The following RTN1 variants were observed in gnomAD, a reference collection of about 807,000 sequenced individuals.
The protein encoded by RTN1 is reticulon-1.
A neutral mutation model predicts 65.5 loss-of-function variants in RTN1; 25 were observed. The observed-to-expected ratio is 0.38, with a 90% CI of 0.28 to 0.53. The LOEUF is 0.53. Ranked by LOEUF, RTN1 falls within the 20% of genes least tolerant of loss-of-function variation. RTN1 has a pLI of 0.79. For missense variants in RTN1, 983 were observed against 1,025.4 expected (o/e 0.96, Z 0.57); for synonymous variants, 471 against 447.6 (o/e 1.05, Z -0.66).
chr14:59,775,383 C>A (rs1233397085), intron 1 of RTN1, among the ~76,000 whole-genome samples: 3 of 151,190 alleles, frequency 2.0e-5, no homozygotes, highest in Middle Eastern at 3.2e-3. Context: ...CATTTTTGAC[C>A]TTTTTTTTTG....
chr14:59,613,677 C>T (rs573920993), intron 3 of RTN1, among the ~76,000 whole-genome samples: 3 of 152,104 alleles, frequency 2.0e-5, no homozygotes, highest in Admixed American at 6.5e-5. Context: ...TCTTCTCAGT[C>T]GACTGTATTA....
rs1884992181 is a variant in RTN1, at chr14:59,735,872, C to T, written c.1016-8204G>A. 2.0e-5 allele frequency among the ~76,000 whole-genome samples: 3 copies of T among 152,174 alleles called. No homozygotes were observed. In the South Asian group the frequency reaches 6.2e-4, roughly 32 times the overall value. The stretch of plus-strand genomic sequence containing the variant: ...AGACCACAGCACAATCAAATTAGAA[C>T]TCAAGATTAAGAAATTCACTCAAAA... On this transcript the variant is annotated intron_variant, in intron 2 of 8. Coordinates refer to ENST00000267484, the MANE Select transcript of RTN1 (RefSeq NM_021136.3).
chr14:59,770,606 G>A (rs527347490), intron 1 of RTN1, among the ~76,000 whole-genome samples: 3 of 152,028 alleles, frequency 2.0e-5, no homozygotes, highest in Admixed American at 6.5e-5. Flanking sequence ...ATGTGTATAC[G>A]TATTTTTGCA....
chr14:59,665,097 C>T (rs756140117), intron 3 of RTN1, among the ~76,000 whole-genome samples: 1 of 152,034 alleles, frequency 6.6e-6, no homozygotes, highest in Non-Finnish European at 1.5e-5. Flanking sequence ...CTCATGCTTA[C>T]TTAACATCTA....
intron 3 of RTN1, among the ~76,000 whole-genome samples, chr14:59,663,251 A>G (rs145548331): frequency 6.6e-6 from 1 of 152,324 alleles, no homozygotes; most frequent in Non-Finnish European, 1.5e-5. Flanking sequence ...CTTATACATT[A>G]TACAAAAGTT....
chr14:59,837,657 T>C (rs550934390), intron 1 of RTN1, among the ~76,000 whole-genome samples: 22 of 152,190 alleles, frequency 1.4e-4, no homozygotes, highest in African/African-American at 4.8e-4. Context: ...GCAATAAACA[T>C]TAAAAAAAAC....
At chr14:59,682,109 C>T (rs1296956061) in intron 3 of RTN1, among the ~76,000 whole-genome samples, 2 of 152,170 alleles carry the variant, frequency 1.3e-5, no homozygotes, top group Non-Finnish European at 2.9e-5. Context: ...CTTCATCTCC[C>T]ATGGCTTTGC....
At chr14:59,608,544 G>A (rs1881839701) in intron 3 of RTN1, among the ~76,000 whole-genome samples, 1 of 152,204 alleles carries the variant, frequency 6.6e-6, no homozygotes, top group Admixed American at 6.5e-5. Context: ...TTTTTGCAGA[G>A]TAAAGTACTA....
At chr14:59,610,657 ATAGTT>A (rs537637198) in intron 3 of RTN1, among the ~76,000 whole-genome samples, 159 of 152,346 alleles carry the variant, frequency 1.0e-3, no homozygotes, top group Non-Finnish European at 1.9e-3. Context: ...AATTTAGTTT[ATAGTT>A]TAAACAAAGA....
At chr14:59,679,166 T>C (rs1157517614) in intron 3 of RTN1, among the ~76,000 whole-genome samples, 1 of 152,216 alleles carries the variant, frequency 6.6e-6, no homozygotes, top group Non-Finnish European at 1.5e-5. Flanking sequence ...TTGAGTATTA[T>C]CATGTGTAAT....
intron 1 of RTN1, among the ~76,000 whole-genome samples, chr14:59,755,308 C>T (rs969452205): frequency 1.3e-5 from 2 of 152,050 alleles, no homozygotes; most frequent in Admixed American, 1.3e-4. Context: ...TTGAATAGAG[C>T]CAATATTAAC....
In RTN1 at chr14:59,649,692, A is replaced by G. The variant is rs535557255; in HGVS notation, c.1766-42200T>C. Among the ~76,000 whole-genome samples the G allele has an allele frequency of 5.9e-5, 9 of 152,372 alleles. No homozygotes were observed. In the South Asian group the frequency reaches 1.2e-3, roughly 21 times the overall value. On this transcript the variant is annotated intron_variant, in intron 3 of 8. Coordinates refer to ENST00000267484, the MANE Select transcript of RTN1 (RefSeq NM_021136.3). The stretch of plus-strand genomic sequence containing the variant: ...CATTATAGAAATGCAAATCAAAACC[A>G]CAGTGAGATACCATCTCATGCCAGT...
At chr14:59,704,274 C>A (rs1004078178) in intron 3 of RTN1, among the ~76,000 whole-genome samples, 1 of 152,126 alleles carries the variant, frequency 6.6e-6, no homozygotes, top group Admixed American at 6.6e-5. Flanking sequence ...GCCCCCTCAC[C>A]GCCACGAATA....
chr14:59,706,003 T>C (rs759461152), intron 3 of RTN1, among the ~76,000 whole-genome samples: 3 of 152,146 alleles, frequency 2.0e-5, no homozygotes, highest in Non-Finnish European at 4.4e-5. Context: ...CTTACCTGAC[T>C]AAGGGAAGTT....
At chr14:59,726,877 A>C in intron 3 of RTN1, 42 bp downstream of exon 3, 2 of 1,550,470 alleles carry the variant, frequency 1.3e-6, no homozygotes, top group Non-Finnish European at 8.8e-7. Flanking sequence ...GAGCACCCAG[A>C]GGGAGGACAC....
chr14:59,667,998 G>C (rs745894272), intron 3 of RTN1, among the ~76,000 whole-genome samples: 1 of 152,132 alleles, frequency 6.6e-6, no homozygotes, highest in Non-Finnish European at 1.5e-5. Flanking sequence ...TGGATAGGAA[G>C]AATCAATATG....
Position 59,767,039 on chromosome 14 carries a change from C to A in RTN1, c.242-20558G>T, listed in dbSNP as rs559924432. On this transcript the variant is annotated intron_variant, in intron 1 of 8. Coordinates refer to ENST00000267484, the MANE Select transcript of RTN1 (RefSeq NM_021136.3). ...GGAGGACAGAACCAAACAACAACAACAAAAAAACATAATTATGCAGGCATA... is the reference window on the plus strand; with the variant it reads ...GGAGGACAGAACCAAACAACAACAAAAAAAAAACATAATTATGCAGGCATA... 7.9e-5 allele frequency among the ~76,000 whole-genome samples: 12 copies of A among 152,090 alleles called. No individual in the cohort carries two copies. In the South Asian group the frequency reaches 8.3e-4, roughly 11 times the overall value.
chr14:59,645,171 C>T (rs1015920598), intron 3 of RTN1, among the ~76,000 whole-genome samples: 1 of 150,816 alleles, frequency 6.6e-6, no homozygotes, highest in Non-Finnish European at 1.5e-5. Context: ...CAACTACCCT[C>T]GCCAGTATGT....
intron 1 of RTN1, among the ~76,000 whole-genome samples, chr14:59,800,281 AT>A (rs1248153360): frequency 1.3e-5 from 2 of 152,192 alleles, no homozygotes; most frequent in Non-Finnish European, 2.9e-5. Flanking sequence ...CTTACATAAG[AT>A]TAGGGGTATG....
Sources: gnomAD v4.1 joint callset for allele counts (sites outside exome capture counted in the v4.1 genomes callset) on GRCh38, gnomAD v4.1.1 for gene constraint, MANE v1.5 for transcripts, NCBI Gene and HGNC (gene_info 2026-07-23, HGNC 2026-07-21) for gene names.